TEK: variants seen among roughly 807,000 people sequenced by gnomAD.
TEK encodes the protein angiopoietin-1 receptor.
Under a neutral mutation model 131.8 loss-of-function variants are expected in TEK, and 43 were observed. That is an observed-to-expected ratio of 0.33 (90% CI 0.26 to 0.42). The LOEUF (loss-of-function observed/expected upper bound fraction) is 0.42, where lower values mean the gene tolerates loss of function less well. Among genes scored for constraint, TEK ranks in the 10% least tolerant of loss-of-function variants. TEK has a pLI of 1.00. For missense variants in TEK, 1,162 were observed against 1,384.4 expected (o/e 0.84, Z 2.55); for synonymous variants, 580 against 491.6 (o/e 1.18, Z -2.38).
intron 9 of TEK, among the ~76,000 whole-genome samples, chr9:27,186,656 A>C (rs140402504): frequency 2.6e-5 from 4 of 152,156 alleles, no homozygotes; most frequent in African/African-American, 9.7e-5. Context: ...ACCCAGCACT[A>C]TCTCTTCTGG....
At chr9:27,111,307 T>G (rs1821336089) in intron 1 of TEK, among the ~76,000 whole-genome samples, 1 of 152,222 alleles carries the variant, frequency 6.6e-6, no homozygotes, top group Non-Finnish European at 1.5e-5. Flanking sequence ...TCTGTTGTCT[T>G]GATCGTAGCT....
chr9:27,114,397 C>G (rs571912139), intron 1 of TEK, among the ~76,000 whole-genome samples: 50 of 152,220 alleles, frequency 3.3e-4, no homozygotes, highest in East Asian at 1.2e-3. Flanking sequence ...ATGGTGAAAC[C>G]TTGCCTCTAC....
At chr9:27,216,272 A>G (rs963151111) in intron 18 of TEK, among the ~76,000 whole-genome samples, 2 of 152,218 alleles carry the variant, frequency 1.3e-5, no homozygotes, top group Non-Finnish European at 2.9e-5. Flanking sequence ...GAGATCAGTT[A>G]GGCAGAGAGA....
chr9:27,118,380 A>C (rs1821649603), intron 1 of TEK, among the ~76,000 whole-genome samples: 1 of 152,088 alleles, frequency 6.6e-6, no homozygotes, highest in South Asian at 2.1e-4. Flanking sequence ...CGTGCTTGTA[A>C]TCCCAGCACT....
chr9:27,189,689 A>T (rs1267791560), intron 9 of TEK, among the ~76,000 whole-genome samples: 1 of 152,164 alleles, frequency 6.6e-6, no homozygotes, highest in Non-Finnish European at 1.5e-5. Flanking sequence ...TGAGCCAAGG[A>T]ATGCAGGCAG....
At chr9:27,206,821 T>C (rs1406042386) in intron 15 of TEK, 29 bp downstream of exon 15, 20 of 1,608,464 alleles carry the variant, frequency 1.2e-5, no homozygotes, top group Non-Finnish European at 1.6e-5. Flanking sequence ...AGAGTCAGCA[T>C]TGCGTGAGGG....
chr9:27,195,313 C>T (rs1486787919), intron 11 of TEK, among the ~76,000 whole-genome samples: 1 of 152,132 alleles, frequency 6.6e-6, no homozygotes, highest in Non-Finnish European at 1.5e-5. Context: ...TTCCTCTCAC[C>T]TCGAACCAAG....
At chr9:27,120,918 A>G (rs112790681) in intron 1 of TEK, among the ~76,000 whole-genome samples, 1 of 152,150 alleles carries the variant, frequency 6.6e-6, no homozygotes, top group South Asian at 2.1e-4. Flanking sequence ...TTTAATTACA[A>G]TGTACAGTTT....
At chr9:27,127,622 C>G (rs1822040209) in intron 1 of TEK, among the ~76,000 whole-genome samples, 2 of 152,178 alleles carry the variant, frequency 1.3e-5, no homozygotes, top group South Asian at 2.1e-4. Context: ...TCCTATTTCT[C>G]CATATCCTCC....
At chr9:27,223,198 T>C (rs1826163026) in intron 21 of TEK, among the ~76,000 whole-genome samples, 2 of 152,134 alleles carry the variant, frequency 1.3e-5, no homozygotes, top group Non-Finnish European at 2.9e-5. Context: ...CACCCCACTA[T>C]CAATATTAGA....
chr9:27,151,639 T>G (rs1823129719), intron 1 of TEK, among the ~76,000 whole-genome samples: 1 of 152,180 alleles, frequency 6.6e-6, no homozygotes, highest in East Asian at 1.9e-4. Context: ...TTCTCTCTCT[T>G]AGTACCTGTC....
At chr9:27,167,855 A>G (rs900540147) in intron 2 of TEK, among the ~76,000 whole-genome samples, 11 of 144,072 alleles carry the variant, frequency 7.6e-5, no homozygotes, top group African/African-American at 2.8e-4. Context: ...CTCAGATTTC[A>G]TTCATGTTTT....
chr9:27,195,376 G>T (rs1417817803), intron 11 of TEK, among the ~76,000 whole-genome samples: 3 of 152,114 alleles, frequency 2.0e-5, no homozygotes, highest in African/African-American at 7.2e-5. Context: ...CTCATCCCCA[G>T]TGAGCTGTTT....
intron 1 of TEK, among the ~76,000 whole-genome samples, chr9:27,118,703 A>G (rs1166561805): frequency 1.3e-5 from 2 of 152,126 alleles, no homozygotes; most frequent in African/African-American, 4.8e-5. Context: ...ACTTTCAAGA[A>G]CTGCCGTGCT....
Position 27,177,452 on chromosome 9 carries a change from G to A in TEK, c.902-2788G>A, listed in dbSNP as rs190876681. ...TAGACCTGTTGGCCATTTGTATGTC[G>A]TCTTTTAAGAGATGTCGGCTGGGCA... On this transcript the variant is annotated intron_variant, in intron 6 of 22. Transcript: ENST00000380036. Among the ~76,000 whole-genome samples the A allele has an allele frequency of 2.1e-3, 322 of 152,226 alleles. 3 individuals carry two copies. The highest frequency in any genetic ancestry group is 7.3e-3 in the African/African-American group (303 of 41,552).
In TEK at chr9:27,157,918, C is replaced by G. The variant is rs998969484; in HGVS notation, c.140C>G (p.Ser47Cys). 3 of 1,613,962 alleles carry G rather than the reference C, an allele frequency of 1.9e-6. No homozygotes were observed. Among genetic ancestry groups the G allele is most frequent in the Non-Finnish European group, 2.5e-6 (3 of 1,180,004 alleles). The change falls in exon 2 of 23, where the codon TCT becomes TGT. Residue 47 changes from serine (S) to cysteine (C), a missense_variant. Physicochemically the swap from Ser to Cys is moderately radical, Grantham distance 112. Coordinates refer to ENST00000380036, the MANE Select transcript of TEK (RefSeq NM_000459.5). ...DAETSLTCIA[S>C]GWRPHEPITI... ...GAAACATCTCTCACCTGCATTGCCT[C>G]TGGGTGGCGCCCCCATGAGCCCATC...
intron 18 of TEK, among the ~76,000 whole-genome samples, chr9:27,214,888 AT>A (rs993258017): frequency 6.6e-6 from 1 of 152,116 alleles, no homozygotes; most frequent in Non-Finnish European, 1.5e-5. Context: ...CTTTTCAGGC[AT>A]ACTCAAAGCA....
At chr9:27,167,823 T>C (rs1030622432) in intron 2 of TEK, among the ~76,000 whole-genome samples, 2 of 152,072 alleles carry the variant, frequency 1.3e-5, no homozygotes, top group Admixed American at 6.6e-5. Context: ...GTAAATTTTT[T>C]TTCTCTTTCA....
intron 19 of TEK, 99 bp from the exon 20 acceptor site, chr9:27,218,678 C>A: frequency 3.2e-6 from 4 of 1,264,330 alleles, no homozygotes; most frequent in Non-Finnish European, 4.6e-6. Flanking sequence ...TTAACATCTC[C>A]TTTTCTCAGA....
Sources: gnomAD v4.1 joint callset for allele counts (sites outside exome capture counted in the v4.1 genomes callset) on GRCh38, gnomAD v4.1.1 for gene constraint, MANE v1.5 for transcripts, NCBI Gene and HGNC (gene_info 2026-07-23, HGNC 2026-07-21) for gene names.